Variants in EPHX2 observed in about 807,000 individuals in gnomAD.
EPHX2 encodes epoxide hydrolase 2.
A neutral mutation model predicts 78.7 loss-of-function variants in EPHX2; 74 were observed. That is an observed-to-expected ratio of 0.94 (90% CI 0.78 to 1.14). The LOEUF (loss-of-function observed/expected upper bound fraction) is 1.14. Ranked by LOEUF, EPHX2 falls within the 50% of genes most tolerant of loss-of-function variation. The pLI, the probability that EPHX2 is intolerant of heterozygous loss-of-function variation, is 0.00. For synonymous variants in EPHX2, 251 were observed against 255.2 expected (o/e 0.98, Z 0.16); for missense variants, 715 against 702.5 (o/e 1.02, Z -0.20).
At chr8:27,497,634 T>C (rs1813622571) in intron 1 of EPHX2, among the ~76,000 whole-genome samples, 1 of 152,304 alleles carries the variant, frequency 6.6e-6, no homozygotes, top group Middle Eastern at 3.4e-3. Flanking sequence ...TGCGGCTGAT[T>C]GGGTAATAAA....
chr8:27,505,176 G>T (rs1284468576), intron 4 of EPHX2, 30 bp downstream of exon 4: 1 of 1,610,686 alleles, frequency 6.2e-7, no homozygotes, highest in Admixed American at 1.7e-5. Context: ...TGGCAGAGAA[G>T]GATGTTCAGA....
intron 11 of EPHX2, 136 bp from the exon 12 acceptor site, chr8:27,525,226 A>G: frequency 4.2e-6 from 3 of 711,730 alleles, no homozygotes; most frequent in Non-Finnish European, 7.2e-6. Context: ...CCATTCTCCC[A>G]TTCACTGCTA....
intron 16 of EPHX2, among the ~76,000 whole-genome samples, 160 bp downstream of exon 16, chr8:27,541,702 G>C (rs1563364794): frequency 6.6e-6 from 1 of 152,148 alleles, no homozygotes; most frequent in Non-Finnish European, 1.5e-5. Flanking sequence ...TCCCTTCAGG[G>C]GTTTCCCTAG....
rs147095061 is a variant in EPHX2, at chr8:27,519,265, G to A, written c.945+1193G>A. On this transcript the variant is annotated intron_variant, in intron 9 of 18. Transcript: ENST00000521400. Reference sequence around the variant, plus strand: ...AAATAAAATGTGGGCCATCCCTGCAGTGGGACACTGTTCAGCTATACAGAG... The same window carrying A: ...AAATAAAATGTGGGCCATCCCTGCAATGGGACACTGTTCAGCTATACAGAG... Among the ~76,000 whole-genome samples the A allele has an allele frequency of 2.4e-3, 372 of 152,362 alleles. 2 individuals are homozygous for A. The highest frequency in any genetic ancestry group is 8.6e-3 in the African/African-American group (358 of 41,582).
chr8:27,511,340 A>C (rs1406462830), intron 5 of EPHX2, among the ~76,000 whole-genome samples: 1 of 152,224 alleles, frequency 6.6e-6, no homozygotes, highest in East Asian at 1.9e-4. Context: ...CCACAGAAGC[A>C]AATAATATTA....
chr8:27,543,870 G>A (rs370909665), intron 17 of EPHX2, 41 bp downstream of exon 17: 295 of 1,602,390 alleles, frequency 1.8e-4, no homozygotes, highest in Non-Finnish European at 2.3e-4. Context: ...AGTGCACCCC[G>A]GGAGAGGGCA....
chr8:27,521,499 G>C (rs1471501116), intron 10 of EPHX2, among the ~76,000 whole-genome samples: 1 of 152,228 alleles, frequency 6.6e-6, no homozygotes, highest in Non-Finnish European at 1.5e-5. Context: ...TGATGGAGCT[G>C]TGGGACTTAA....
chr8:27,538,657 A>G lies in EPHX2; in HGVS notation c.1243-2A>G. 2 of 1,610,794 alleles carry G rather than the reference A, an allele frequency of 1.2e-6. No homozygotes were observed. The highest frequency in any genetic ancestry group is 1.1e-5 in the South Asian group (1 of 90,736). On this transcript the variant is annotated splice_acceptor_variant, in intron 13 of 18. Transcript: ENST00000521400. LOFTEE classifies it high-confidence loss of function. ...TGTAACTCTTTTCTTTTCTTCCTTC[A>G]GAGTGTTTTATCCATGCATAAAGTC... is the stretch of plus-strand genomic sequence containing the variant.
At chr8:27,541,335 G>C in intron 15 of EPHX2, 138 bp from the exon 16 acceptor site, 1 of 861,580 alleles carries the variant, frequency 1.2e-6, no homozygotes, top group Non-Finnish European at 1.9e-6. Flanking sequence ...CGTGGGTCCT[G>C]GGCTCTATTC....
intron 1 of EPHX2, among the ~76,000 whole-genome samples, chr8:27,498,424 T>C (rs181639970): frequency 6.6e-6 from 1 of 152,218 alleles, no homozygotes; most frequent in Non-Finnish European, 1.5e-5. Context: ...CTTTTTTTTT[T>C]AATGACCACC....
Position 27,515,622 on chromosome 8 carries a change from G to C in EPHX2, c.736-96G>C, listed in dbSNP as rs34335290. The C allele has an allele frequency of 8.4e-4, 821 of 976,606 alleles. 3 individuals are homozygous for C. Among genetic ancestry groups the C allele is most frequent in the Non-Finnish European group, 1.0e-3 (654 of 637,792 alleles). The allele number at this position is 976,606 out of a possible 1,614,324, so 60.5% of individuals were successfully genotyped here. On this transcript the variant is annotated intron_variant, in intron 6 of 18. Coordinates refer to ENST00000521400, the MANE Select transcript of EPHX2 (RefSeq NM_001979.6). ...TCTGGGTCATGCACAATCCAGCAAC[G>C]GACTGAAACGGCCCTGGCATTCTGC...
intron 16 of EPHX2, among the ~76,000 whole-genome samples, chr8:27,542,848 C>T (rs1039620264): frequency 1.3e-5 from 2 of 152,072 alleles, no homozygotes; most frequent in African/African-American, 2.4e-5. Flanking sequence ...CACCATGTTG[C>T]GCAGGGTGGT....
rs574326427 is a variant in EPHX2, at chr8:27,511,899, G to A, written c.724G>A (p.Val242Met). ...CNPSDMSHGY[V>M]TVKPRVRLHF... The stretch of plus-strand genomic sequence containing the variant: ...TCCAAGTGACATGAGCCATGGGTAC[G>A]TGACAGTAAAGGTGAGTCAGTTTTG... The change falls in exon 6 of 19, where the codon GTG becomes ATG. Residue 242 changes from valine to methionine, a missense_variant. Physicochemically the swap from Val to Met is conservative, Grantham distance 21 (BLOSUM62 1). Coordinates refer to ENST00000521400, the MANE Select transcript of EPHX2 (RefSeq NM_001979.6). 14 of 1,614,070 alleles carry A rather than the reference G, an allele frequency of 8.7e-6. No homozygotes were observed. The highest frequency in any genetic ancestry group is 8.0e-5 in the African/African-American group (6 of 75,022).
chr8:27,545,959 G>A (rs1401597374), downstream of EPHX2, among the ~76,000 whole-genome samples: 1 of 152,084 alleles, frequency 6.6e-6, no homozygotes, highest in African/African-American at 2.4e-5. Flanking sequence ...ATTTAACCGA[G>A]AGGGAAACTG....
At chr8:27,534,071 C>T (rs1815132455) in intron 12 of EPHX2, among the ~76,000 whole-genome samples, 1 of 152,198 alleles carries the variant, frequency 6.6e-6, no homozygotes, top group South Asian at 2.1e-4. Context: ...CCGACAGCCA[C>T]ACACACAGAC....
At chr8:27,501,229 G>C (rs889071126) in intron 2 of EPHX2, among the ~76,000 whole-genome samples, 1 of 151,928 alleles carries the variant, frequency 6.6e-6, no homozygotes, top group Non-Finnish European at 1.5e-5. Flanking sequence ...GAAACTATTG[G>C]GAAGAACATT....
intron 5 of EPHX2, among the ~76,000 whole-genome samples, chr8:27,511,150 T>C (rs1199392026): frequency 6.6e-6 from 1 of 152,210 alleles, no homozygotes; most frequent in Non-Finnish European, 1.5e-5. Context: ...ATATCTGTTC[T>C]TGAAACCACA....
intron 1 of EPHX2, among the ~76,000 whole-genome samples, chr8:27,494,828 A>G (rs996939467): frequency 6.6e-6 from 1 of 152,252 alleles, no homozygotes; most frequent in Non-Finnish European, 1.5e-5. Flanking sequence ...GGCTTCGGGC[A>G]TGAGTACCTT....
In EPHX2 at chr8:27,503,468, G is replaced by A. The variant is rs879611941; in HGVS notation, c.187-136G>A. On this transcript the variant is annotated intron_variant, in intron 2 of 18. Coordinates refer to ENST00000521400, the MANE Select transcript of EPHX2 (RefSeq NM_001979.6). ...TGGCCATGTCTCTTGGAGAACATATGTTGGCATTTCCAGTGGGTATGTGTC... is the reference window on the plus strand; with the variant it reads ...TGGCCATGTCTCTTGGAGAACATATATTGGCATTTCCAGTGGGTATGTGTC... 1.3e-4 allele frequency: 130 copies of A among 1,029,632 alleles called. 1 individual carries two copies. The highest frequency in any genetic ancestry group is 1.6e-4 in the Non-Finnish European group (119 of 726,072). 63.8% of individuals were successfully genotyped at this position (1,029,632 alleles called of 1,614,324 possible). A position where few individuals can be genotyped will look rare whatever the true frequency, so the allele number is the denominator to read the frequency against.
Sources: allele counts gnomAD v4.1 joint callset (sites outside exome capture counted in the v4.1 genomes callset), GRCh38; gene constraint gnomAD v4.1.1; transcripts MANE v1.5; gene names NCBI Gene and HGNC (gene_info 2026-07-23, HGNC 2026-07-21).